Variants in ITGBL1 observed in about 807,000 individuals in gnomAD.
The protein encoded by ITGBL1 is integrin beta-like protein 1.
In ITGBL1, 51 loss-of-function variants were observed where a neutral mutation model predicts 68.5. The ratio of observed to expected loss-of-function variants is 0.74; its 90% CI spans 0.59 to 0.94. ITGBL1 has a LOEUF of 0.94. ITGBL1 is among the 40% of genes least tolerant of loss of function. The pLI is 0.00. For missense variants in ITGBL1, 649 were observed against 647.4 expected, an observed-to-expected ratio of 1.00 and a Z score of -0.03; for synonymous variants, 209 against 227.3, an observed-to-expected ratio of 0.92 and a Z score of 0.72.
intron 7 of ITGBL1, among the ~76,000 whole-genome samples, chr13:101,618,455 A>G (rs932587188): frequency 1.3e-5 from 2 of 152,214 alleles, no homozygotes; most frequent in Non-Finnish European, 1.5e-5. Flanking sequence ...TACAGCATCT[A>G]TTTTAATTAA....
intron 7 of ITGBL1, among the ~76,000 whole-genome samples, chr13:101,638,495 A>C (rs1016305859): frequency 6.6e-6 from 1 of 152,210 alleles, no homozygotes; most frequent in African/African-American, 2.4e-5. Context: ...ATATACCTGC[A>C]ACTGGGCAAT....
intron 2 of ITGBL1, among the ~76,000 whole-genome samples, chr13:101,493,742 T>G (rs1594844972): frequency 6.6e-6 from 1 of 152,220 alleles, no homozygotes; most frequent in African/African-American, 2.4e-5. Flanking sequence ...TTTTCTTTCT[T>G]TTGACACAAG....
intron 7 of ITGBL1, among the ~76,000 whole-genome samples, chr13:101,605,177 C>T (rs542602049): frequency 2.9e-4 from 19 of 66,024 alleles, no homozygotes; most frequent in South Asian, 2.0e-3. Flanking sequence ...TATATATGCA[C>T]ATATAGACAT....
intron 2 of ITGBL1, among the ~76,000 whole-genome samples, chr13:101,477,335 A>C (rs2048552972): frequency 6.6e-6 from 1 of 152,176 alleles, no homozygotes; most frequent in South Asian, 2.1e-4. Context: ...ATACAATGAA[A>C]ACAATACTAA....
At chr13:101,671,437 G>GTTTTTTTTTTTTTTTTTTTT (rs1491455482) in intron 7 of ITGBL1, among the ~76,000 whole-genome samples, 8 of 102,842 alleles carry the variant, frequency 7.8e-5, no homozygotes, top group Admixed American at 1.2e-4. Flanking sequence ...TTTTTTTTTT[G>GTTTTTTTTTTTTTTTTTTTT]TTTTTTTTTG....
chr13:101,670,000 C>CT (rs1018532984), intron 7 of ITGBL1, among the ~76,000 whole-genome samples: 2 of 152,172 alleles, frequency 1.3e-5, no homozygotes, highest in South Asian at 4.1e-4. Context: ...CTCCTACTGC[C>CT]TTTTTTTCCC....
intron 7 of ITGBL1, among the ~76,000 whole-genome samples, chr13:101,610,318 A>G (rs1044547173): frequency 2.6e-5 from 4 of 152,256 alleles, no homozygotes; most frequent in South Asian, 2.1e-4. Context: ...TAGAAAACCA[A>G]TGAGGCACAG....
At chr13:101,665,197 G>T (rs2033185633) in intron 7 of ITGBL1, among the ~76,000 whole-genome samples, 1 of 152,064 alleles carries the variant, frequency 6.6e-6, no homozygotes, top group African/African-American at 2.4e-5. Flanking sequence ...CATGAAAACT[G>T]TTGGGATTTT....
At chr13:101,627,162 T>A (rs1467250385) in intron 7 of ITGBL1, among the ~76,000 whole-genome samples, 1 of 152,196 alleles carries the variant, frequency 6.6e-6, no homozygotes, top group Non-Finnish European at 1.5e-5. Flanking sequence ...CTTCTCAAAG[T>A]GTAGTCTGAG....
intron 2 of ITGBL1, among the ~76,000 whole-genome samples, chr13:101,543,996 G>A (rs1471089352): frequency 3.9e-5 from 6 of 152,224 alleles, no homozygotes; most frequent in African/African-American, 1.2e-4. Context: ...CCATGGGTTC[G>A]AACTTCCTCC....
At chr13:101,720,639 A>AAGTT (rs1051221253), downstream of ITGBL1, 1 of 151,878 alleles carries the variant, frequency 6.6e-6, no homozygotes, top group African/African-American at 2.4e-5. Context: ...ACTGTATTAC[A>AAGTT]AGTTAGTTAA....
chr13:101,568,657 A>G (rs2050220356), intron 3 of ITGBL1, among the ~76,000 whole-genome samples: 1 of 152,002 alleles, frequency 6.6e-6, no homozygotes, highest in Non-Finnish European at 1.5e-5. Flanking sequence ...TTTAATATAG[A>G]TGAGTGTGTG....
intron 2 of ITGBL1, among the ~76,000 whole-genome samples, chr13:101,543,133 A>T (rs1310708710): frequency 1.3e-5 from 2 of 152,172 alleles, no homozygotes; most frequent in Admixed American, 1.3e-4. Flanking sequence ...TCGTTAGTTG[A>T]TGCAGTTTCT....
chr13:101,479,964 G>A (rs931798794), intron 2 of ITGBL1, among the ~76,000 whole-genome samples: 1 of 152,066 alleles, frequency 6.6e-6, no homozygotes, highest in Non-Finnish European at 1.5e-5. Context: ...CCCACTGCTG[G>A]ATACATACCG....
chr13:101,605,837 T>TAC (rs1477995735), intron 7 of ITGBL1, among the ~76,000 whole-genome samples: 1 of 149,908 alleles, frequency 6.7e-6, no homozygotes, highest in East Asian at 2.0e-4. Flanking sequence ...TGTATATATA[T>TAC]GCATATACAT....
chr13:101,673,873 C>A (rs942839122), intron 7 of ITGBL1, among the ~76,000 whole-genome samples: 15 of 152,164 alleles, frequency 9.9e-5, no homozygotes, highest in Non-Finnish European at 1.9e-4. Context: ...ATACTGACTC[C>A]TAATCAGCAA....
At chr13:101,495,109 G>A (rs2048837713) in intron 2 of ITGBL1, among the ~76,000 whole-genome samples, 1 of 152,220 alleles carries the variant, frequency 6.6e-6, no homozygotes. Flanking sequence ...ATCAGCAAGA[G>A]CATGGAAGTT....
Position 101,495,723 on chromosome 13 carries a change from A to AG in ITGBL1, c.316+41630dup, listed in dbSNP as rs552807253. Among the ~76,000 whole-genome samples the AG allele has an allele frequency of 4.6e-3, 695 of 152,130 alleles. 7 individuals carry two copies. Among genetic ancestry groups the AG allele is most frequent in the Middle Eastern group, 0.031 (9 of 294 alleles). On this transcript the variant is annotated intron_variant, in intron 2 of 10. Transcript: ENST00000376180. ...GAGTAGGGGAATTAGAAGAAGATTA[A>AG]GGGGGGGTCTTTAGTTGGAGCTACC...
intron 2 of ITGBL1, among the ~76,000 whole-genome samples, chr13:101,560,466 A>G (rs1277781406): frequency 6.6e-6 from 1 of 152,168 alleles, no homozygotes; most frequent in Non-Finnish European, 1.5e-5. Flanking sequence ...TTTAATACCT[A>G]TCCTTCTCTA....
Sources: gnomAD v4.1 joint callset for allele counts (sites outside exome capture counted in the v4.1 genomes callset) on GRCh38, gnomAD v4.1.1 for gene constraint, MANE v1.5 for transcripts, NCBI Gene and HGNC (gene_info 2026-07-23, HGNC 2026-07-21) for gene names.